CCNT2: variants seen among roughly 807,000 people sequenced by gnomAD.
The protein encoded by CCNT2 is cyclin-T2.
Under a neutral mutation model 70.0 loss-of-function variants are expected in CCNT2, and 18 were observed. That is an observed-to-expected ratio of 0.26 (90% CI 0.18 to 0.38). CCNT2 has a LOEUF of 0.38. CCNT2 is among the 10% of genes least tolerant of loss of function. The pLI, the probability that CCNT2 is intolerant of heterozygous loss-of-function variation, is 1.00. For missense variants in CCNT2, 734 were observed against 890.2 expected, an observed-to-expected ratio of 0.82 and a Z score of 2.23; for synonymous variants, 334 against 313.3, an observed-to-expected ratio of 1.07 and a Z score of -0.70.
rs1161189708 is a variant in CCNT2, at chr2:134,958,759, A to G, written c.*4111A>G. On this transcript the variant is annotated 3_prime_UTR_variant, in exon 9 of 9. Transcript: ENST00000264157. ...AAATGTTTTAGACCTAATATCATAC[A>G]TTAATTTTCTGCTCTGCAGTGTCAA... The G allele has an allele frequency of 1.3e-5, 2 of 152,212 alleles. No homozygotes were observed. The highest frequency in any genetic ancestry group is 2.9e-5 in the Non-Finnish European group (2 of 68,042). The allele number at this position is 152,212 out of a possible 1,614,324, so 9.4% of individuals were successfully genotyped here.
At chr2:134,934,677 G>T (rs1261588125) in intron 2 of CCNT2, among the ~76,000 whole-genome samples, 2 of 152,202 alleles carry the variant, frequency 1.3e-5, no homozygotes, top group Non-Finnish European at 1.5e-5. Flanking sequence ...AATGTGAATG[G>T]AATTAGTGGA....
At position 134,953,591 on chromosome 2, in the gene CCNT2, T is replaced by C; in HGVS notation, c.1136T>C (p.Ile379Thr). 6.2e-7 allele frequency: 1 copy of C among 1,614,066 alleles called. No individual in the cohort carries two copies. The highest frequency in any genetic ancestry group is 8.5e-7 in the Non-Finnish European group (1 of 1,179,952). The change falls in exon 9 of 9, where the codon ATC (isoleucine) becomes ACC (threonine). Residue 379 changes from isoleucine to threonine, a missense_variant. This residue lies in a region of CCNT2 where 532 missense variants were observed against 556.9 expected (regional missense o/e 0.96). Transcript: ENST00000264157. Reference protein sequence around the residue: ...ETSLSGSQYNINFQQGPSISL... With the variant: ...ETSLSGSQYNTNFQQGPSISL... ...TCTTTGTCTGGTAGCCAGTACAACA[T>C]CAACTTCCAGCAGGGACCTTCTATA...
At chr2:134,921,228 T>C (rs1242519888) in intron 2 of CCNT2, among the ~76,000 whole-genome samples, 2 of 152,202 alleles carry the variant, frequency 1.3e-5, no homozygotes, top group East Asian at 3.8e-4. Context: ...ATGGTAGAAA[T>C]TACAAATCAA....
chr2:134,924,788 C>T (rs1203746330), intron 2 of CCNT2, among the ~76,000 whole-genome samples: 2 of 152,126 alleles, frequency 1.3e-5, no homozygotes, highest in African/African-American at 4.8e-5. Context: ...ATAGTTTTAG[C>T]ACCCAACTCT....
intron 3 of CCNT2, among the ~76,000 whole-genome samples, chr2:134,937,980 C>T (rs1015571362): frequency 3.9e-5 from 6 of 152,142 alleles, no homozygotes; most frequent in African/African-American, 1.2e-4. Flanking sequence ...CATTGAATGA[C>T]TAACAGATTA....
Position 134,953,325 on chromosome 2 carries a change from T to C in CCNT2, c.870T>C (p.Asp290=), listed in dbSNP as rs1682672517. The stretch of plus-strand genomic sequence containing the variant: ...TGGTCCAGAATTCCATTTTAGTAGA[T>C]AGTGTCACTGGTGTGCCTACAAACC... ...SSLVQNSILV[D]SVTGVPTNPS... Residue 290 remains aspartate (D), a synonymous_variant, in exon 9 of 9, where the codon GAT becomes GAC. Coordinates refer to ENST00000264157, the MANE Select transcript of CCNT2 (RefSeq NM_058241.3). 6 of 1,611,660 alleles carry C rather than the reference T, an allele frequency of 3.7e-6. No individual in the cohort carries two copies. The highest frequency in any genetic ancestry group is 1.3e-5 in the African/African-American group (1 of 74,812).
At chr2:134,946,055 C>T (rs763861413) in intron 5 of CCNT2, 46 bp from the exon 6 acceptor site, 12 of 1,607,930 alleles carry the variant, frequency 7.5e-6, no homozygotes, top group East Asian at 2.2e-5. Flanking sequence ...GATTGTAGCA[C>T]GTTAAGGCTG....
At chr2:134,949,688 T>A (rs1309406370) in intron 7 of CCNT2, among the ~76,000 whole-genome samples, 1 of 151,982 alleles carries the variant, frequency 6.6e-6, no homozygotes, top group Admixed American at 6.6e-5. Context: ...TGAAATGACA[T>A]CTAAAACTCA....
Position 134,919,023 on chromosome 2 carries a change from C to G in CCNT2, c.158+11C>G. On this transcript the variant is annotated intron_variant, in intron 1 of 8. Coordinates refer to ENST00000264157, the MANE Select transcript of CCNT2 (RefSeq NM_058241.3). ...ACAGCGTCTCAATGTGTATCCTTTT[C>G]TGTTCGCCGCCGCTCACGCCCTGTT... 1 of 1,589,704 alleles carries G rather than the reference C, an allele frequency of 6.3e-7. No homozygotes were observed. The highest frequency in any genetic ancestry group is 8.6e-7 in the Non-Finnish European group (1 of 1,166,260).
At chr2:134,949,842 A>G (rs954234810) in intron 7 of CCNT2, among the ~76,000 whole-genome samples, 1 of 149,886 alleles carries the variant, frequency 6.7e-6, no homozygotes, top group African/African-American at 2.5e-5. Flanking sequence ...CGCCCAGGCT[A>G]TAGAGTGCGG....
Position 134,953,448 on chromosome 2 carries a change from G to C in CCNT2, c.993G>C (p.Leu331Phe). 1 of 1,613,446 alleles carries C rather than the reference G, an allele frequency of 6.2e-7. No individual in the cohort carries two copies. Among genetic ancestry groups the C allele is most frequent in the Non-Finnish European group, 8.5e-7 (1 of 1,179,598 alleles). The change falls in exon 9 of 9, where the codon TTG becomes TTC. Residue 331 changes from leucine (L) to phenylalanine (F), a missense_variant. Around this residue, in one of 3 missense-constraint regions of CCNT2, gnomAD observed 532 missense variants for 556.9 expected, o/e 0.96. Transcript: ENST00000264157. ...AAGACAGCCATACATCTGATAATTT[G>C]TCAATGCTAGCAACAGGAATGCCAA... is the stretch of plus-strand genomic sequence containing the variant. The part of the protein sequence containing the change: ...SVQDSHTSDN[L>F]SMLATGMPST...
At chr2:134,930,133 G>A (rs2105030832) in intron 2 of CCNT2, among the ~76,000 whole-genome samples, 1 of 152,292 alleles carries the variant, frequency 6.6e-6, no homozygotes, top group Non-Finnish European at 1.5e-5. Context: ...CCTGGTTGCT[G>A]TAAGCAGCAG....
chr2:134,953,096 A>C (rs1682648451), intron 8 of CCNT2, 134 bp from the exon 9 acceptor site: 2 of 625,698 alleles, frequency 3.2e-6, no homozygotes, highest in African/African-American at 1.8e-5. Flanking sequence ...ACAACATAAA[A>C]TCTTGAACCC....
intron 5 of CCNT2, 121 bp from the exon 6 acceptor site, chr2:134,945,980 G>A (rs1681929599): frequency 6.3e-7 from 1 of 1,589,304 alleles, no homozygotes; most frequent in African/African-American, 1.3e-5. Context: ...ATATTTGTAA[G>A]TAGTAAGTAA....
rs934881808 is a variant in CCNT2, at chr2:134,942,540, T to C, written c.431-72T>C. 50 of 966,992 alleles carry C rather than the reference T, an allele frequency of 5.2e-5. 2 individuals are homozygous for C. The South Asian group carries it at 6.6e-4, about 13-fold the overall frequency. 59.9% of individuals were successfully genotyped at this position (966,992 alleles called of 1,614,324 possible). ...TTTCTTAATAATGAAGAATATATTA[T>C]ACGTTTATGGCATTTCTCAGGCAAG... On this transcript the variant is annotated intron_variant, in intron 4 of 8. Coordinates refer to ENST00000264157, the MANE Select transcript of CCNT2 (RefSeq NM_058241.3).
intron 2 of CCNT2, among the ~76,000 whole-genome samples, chr2:134,922,831 G>A (rs1299709429): frequency 6.6e-6 from 1 of 152,102 alleles, no homozygotes; most frequent in Non-Finnish European, 1.5e-5. Flanking sequence ...AGATTAGGTT[G>A]TAAAGAGCAC....
chr2:134,950,649 A>C (rs1682428606), intron 7 of CCNT2, among the ~76,000 whole-genome samples: 1 of 152,172 alleles, frequency 6.6e-6, no homozygotes, highest in Non-Finnish European at 1.5e-5. Flanking sequence ...GGAAAAAAAA[A>C]GACATGAAGA....
chr2:134,930,411 C>T (rs1034249460), intron 2 of CCNT2, among the ~76,000 whole-genome samples: 2 of 152,184 alleles, frequency 1.3e-5, no homozygotes, highest in East Asian at 1.9e-4. Context: ...GGGTTGATTA[C>T]ACTTAACAGC....
At chr2:134,952,799 A>G (rs760838432) in intron 8 of CCNT2, 88 bp downstream of exon 8, 2 of 923,074 alleles carry the variant, frequency 2.2e-6, no homozygotes, top group Non-Finnish European at 3.5e-6. Flanking sequence ...TGGTTAAATA[A>G]TCTTTGCAGT....
Sources: gnomAD v4.1 joint callset for allele counts (sites outside exome capture counted in the v4.1 genomes callset) on GRCh38, gnomAD v4.1.1 for gene constraint, gnomAD v4.1.1 regional missense constraint, MANE v1.5 for transcripts, NCBI Gene and HGNC (gene_info 2026-07-23, HGNC 2026-07-21) for gene names.